Variants in UBE2E2 observed in about 807,000 individuals in gnomAD.
The protein encoded by UBE2E2 is ubiquitin-conjugating enzyme E2 E2.
Under a neutral mutation model 24.7 loss-of-function variants are expected in UBE2E2, and 6 were observed. The ratio of observed to expected loss-of-function variants is 0.24; its 90% confidence interval spans 0.13 to 0.48. The LOEUF is 0.48. Among genes scored for constraint, UBE2E2 ranks in the 20% least tolerant of loss-of-function variants. The pLI is 0.99. For missense variants in UBE2E2, 169 were observed against 245.0 expected, an observed-to-expected ratio of 0.69 and a Z score of 2.07; for synonymous variants, 104 against 83.6, an observed-to-expected ratio of 1.24 and a Z score of -1.33.
At chr3:23,581,429 TG>T (rs1199206177) in intron 5 of UBE2E2, among the ~76,000 whole-genome samples, 1 of 152,204 alleles carries the variant, frequency 6.6e-6, no homozygotes, top group Non-Finnish European at 1.5e-5. Context: ...CTGAAGAGAA[TG>T]TCTTTAAGAA....
intron 3 of UBE2E2, among the ~76,000 whole-genome samples, chr3:23,217,774 G>C (rs1696517935): frequency 6.6e-6 from 1 of 152,006 alleles, no homozygotes; most frequent in African/African-American, 2.4e-5. Context: ...TTGTGACTAG[G>C]TAAGAATGGG....
intron 5 of UBE2E2, among the ~76,000 whole-genome samples, chr3:23,579,359 T>A (rs1285222283): frequency 1.4e-5 from 2 of 140,898 alleles, no homozygotes; most frequent in Non-Finnish European, 3.0e-5. Flanking sequence ...CACTCCAGCC[T>A]GGGCAACAGA....
chr3:23,313,239 T>G (rs1412232925), intron 3 of UBE2E2, among the ~76,000 whole-genome samples: 1 of 152,184 alleles, frequency 6.6e-6, no homozygotes, highest in African/African-American at 2.4e-5. Flanking sequence ...AGTTTTTGTC[T>G]TGAAATCTGT....
At chr3:23,493,238 T>A (rs745708010) in intron 3 of UBE2E2, among the ~76,000 whole-genome samples, 1 of 152,184 alleles carries the variant, frequency 6.6e-6, no homozygotes, top group Non-Finnish European at 1.5e-5. Context: ...AGATTGAAAG[T>A]ATTCAGTATA....
Position 23,424,964 on chromosome 3 carries a change from A to G in UBE2E2, c.228-74644A>G, listed in dbSNP as rs1282535962. Among the ~76,000 whole-genome samples the G allele has an allele frequency of 2.6e-5, 4 of 152,162 alleles. No homozygotes were observed. The South Asian group carries it at 6.2e-4, about 24-fold the overall frequency. ...TTGTTTCATCCTTTTCTACTTTACC[A>G]TGTTTTAAACATTTGAGTTTGGAAA... is the stretch of plus-strand genomic sequence containing the variant. On this transcript the variant is annotated intron_variant, in intron 3 of 5. Coordinates refer to ENST00000396703, the MANE Select transcript of UBE2E2 (RefSeq NM_152653.4).
intron 3 of UBE2E2, among the ~76,000 whole-genome samples, chr3:23,271,848 A>G (rs1336628877): frequency 6.6e-6 from 1 of 152,208 alleles, no homozygotes; most frequent in African/African-American, 2.4e-5. Context: ...CAGAGTGCTC[A>G]TTGGTGCATC....
At chr3:23,470,979 TCA>T (rs1699023707) in intron 3 of UBE2E2, among the ~76,000 whole-genome samples, 1 of 152,136 alleles carries the variant, frequency 6.6e-6, no homozygotes, top group South Asian at 2.1e-4. Context: ...AACCCTTTCT[TCA>T]CACAAAAATA....
At chr3:23,384,005 T>C (rs1254122970) in intron 3 of UBE2E2, among the ~76,000 whole-genome samples, 1 of 152,162 alleles carries the variant, frequency 6.6e-6, no homozygotes, top group Non-Finnish European at 1.5e-5. Flanking sequence ...GTGTTTTGTT[T>C]TGTTTTGTAT....
At chr3:23,383,994 T>C (rs1378800207) in intron 3 of UBE2E2, among the ~76,000 whole-genome samples, 1 of 152,180 alleles carries the variant, frequency 6.6e-6, no homozygotes, top group African/African-American at 2.4e-5. Flanking sequence ...AGTGATGGTT[T>C]GTGTTTTGTT....
At chr3:23,368,493 C>G (rs936739118) in intron 3 of UBE2E2, among the ~76,000 whole-genome samples, 1 of 151,952 alleles carries the variant, frequency 6.6e-6, no homozygotes, top group African/African-American at 2.4e-5. Flanking sequence ...CTATGTCTTT[C>G]TTTGGTTTAT....
intron 3 of UBE2E2, among the ~76,000 whole-genome samples, chr3:23,287,093 A>G (rs559372538): frequency 1.2e-4 from 19 of 152,118 alleles, no homozygotes; most frequent in African/African-American, 3.6e-4. Flanking sequence ...TATTATGTTG[A>G]GGTGTATTCC....
chr3:23,277,007 A>G (rs1698387786), intron 3 of UBE2E2, among the ~76,000 whole-genome samples: 1 of 152,150 alleles, frequency 6.6e-6, no homozygotes, highest in South Asian at 2.1e-4. Context: ...GTTTTCTAGG[A>G]AAACAAAGGC....
intron 3 of UBE2E2, among the ~76,000 whole-genome samples, chr3:23,274,387 C>T (rs932988233): frequency 2.0e-5 from 3 of 152,046 alleles, no homozygotes; most frequent in African/African-American, 7.3e-5. Flanking sequence ...GAGTCCCTCT[C>T]TGTTGCCCAC....
chr3:23,547,109 T>C (rs1695542646), intron 5 of UBE2E2, among the ~76,000 whole-genome samples: 1 of 152,240 alleles, frequency 6.6e-6, no homozygotes, highest in East Asian at 1.9e-4. Context: ...TATGGTAGGA[T>C]CAAGGAGCAC....
rs1246735762 is a variant in UBE2E2 at position 23,407,500 on chromosome 3, C to T, written c.228-92108C>T. Among the ~76,000 whole-genome samples the T allele has an allele frequency of 2.0e-5, 3 of 152,128 alleles. No homozygotes were observed. Among genetic ancestry groups the T allele is most frequent in the African/African-American group, 7.2e-5 (3 of 41,436 alleles). ...TACACAAATGTAAAGAATTGATCCCCTGCTCCCGTACTCATCCCTCTTCTT... is the reference window on the plus strand; with the variant it reads ...TACACAAATGTAAAGAATTGATCCCTTGCTCCCGTACTCATCCCTCTTCTT... On this transcript the variant is annotated intron_variant, in intron 3 of 5. Transcript: ENST00000396703. The surrounding 1 kb of genome is among the most constrained non-coding windows in gnomAD (Gnocchi z 4.0).
chr3:23,205,228 C>A (rs1696115548), intron 1 of UBE2E2, among the ~76,000 whole-genome samples: 1 of 152,146 alleles, frequency 6.6e-6, no homozygotes, highest in African/African-American at 2.4e-5. Context: ...ATTTATCTCT[C>A]TCAATATCTT....
intron 5 of UBE2E2, among the ~76,000 whole-genome samples, chr3:23,582,982 C>T (rs1167389943): frequency 6.6e-6 from 1 of 151,664 alleles, no homozygotes; most frequent in South Asian, 2.1e-4. Flanking sequence ...CTTTTGGAGT[C>T]TTCATCATGG....
chr3:23,409,938 T>A (rs1055028651), intron 3 of UBE2E2, among the ~76,000 whole-genome samples: 1 of 152,206 alleles, frequency 6.6e-6, no homozygotes, highest in Non-Finnish European at 1.5e-5. Context: ...TTTTCTCTTA[T>A]ACAGTCACCA....
intron 5 of UBE2E2, among the ~76,000 whole-genome samples, chr3:23,556,454 T>TTTAAAAAAAA (rs1553620573): frequency 1.4e-3 from 134 of 94,330 alleles, no homozygotes; most frequent in Non-Finnish European, 2.4e-3. Flanking sequence ...AAAATTTATT[T>TTTAAAAAAAA]AAAAAAAAAA....
Sources: gnomAD v4.1 joint callset for allele counts (sites outside exome capture counted in the v4.1 genomes callset) on GRCh38, gnomAD v4.1.1 for gene constraint, Gnocchi (gnomAD v3.1) non-coding constraint, MANE v1.5 for transcripts, NCBI Gene and HGNC (gene_info 2026-07-23, HGNC 2026-07-21) for gene names.